Variants in ADGRG2 observed in about 807,000 individuals in gnomAD.
ADGRG2 encodes the protein G protein-coupled receptor 64.
ADGRG2 carries 26 observed loss-of-function variants against 74.1 expected under a neutral mutation model. The ratio of observed to expected loss-of-function variants is 0.35; its 90% CI spans 0.26 to 0.49. The LOEUF is 0.49. Ranked by LOEUF, ADGRG2 falls within the 20% of genes least tolerant of loss-of-function variation. ADGRG2 has a pLI of 0.99. For synonymous variants in ADGRG2, 296 were observed against 295.2 expected (o/e 1.00, Z -0.03); for missense variants, 619 against 763.1 (o/e 0.81, Z 2.22).
chrX:19,010,409 C>A (rs761040896), intron 17 of ADGRG2, among the ~76,000 whole-genome samples: 1 of 111,966 alleles, frequency 8.9e-6, no homozygotes, highest in Non-Finnish European at 1.9e-5. Flanking sequence ...GCATGAGCCA[C>A]AATGTCTGGC....
At chrX:19,102,926 G>C (rs913047405) in intron 1 of ADGRG2, among the ~76,000 whole-genome samples, 1 of 111,538 alleles carries the variant, frequency 9.0e-6, no homozygotes, top group African/African-American at 3.3e-5. Context: ...ATGGTATTTT[G>C]TTCTGGCAGC....
At chrX:18,995,156 G>A in intron 27 of ADGRG2, 108 bp from the exon 28 acceptor site, 1 of 510,995 alleles carries the variant, frequency 2.0e-6, no homozygotes, top group Non-Finnish European at 3.1e-6. Context: ...CTCACTTCAG[G>A]ATCTTATGGA....
chrX:19,016,420 T>C (rs895307912), intron 15 of ADGRG2, among the ~76,000 whole-genome samples: 47 of 111,220 alleles, frequency 4.2e-4, no homozygotes, highest in African/African-American at 1.2e-3. Flanking sequence ...GGCTGCACAT[T>C]AGAACCACCC....
intron 3 of ADGRG2, among the ~76,000 whole-genome samples, chrX:19,047,969 C>T (rs918046942): frequency 3.6e-5 from 4 of 111,450 alleles, no homozygotes; most frequent in African/African-American, 1.3e-4. Context: ...AAAAAAACTT[C>T]GGCTCTTAGC....
At chrX:19,048,286 C>T (rs1358180505) in intron 3 of ADGRG2, among the ~76,000 whole-genome samples, 2 of 112,199 alleles carry the variant, frequency 1.8e-5, no homozygotes, top group African/African-American at 6.5e-5. Flanking sequence ...AGATTAGAGC[C>T]CCCAAAGGGG....
At chrX:19,092,464 G>A in intron 1 of ADGRG2, among the ~76,000 whole-genome samples, 1 of 110,284 alleles carries the variant, frequency 9.1e-6, no homozygotes, top group Non-Finnish European at 1.9e-5. Flanking sequence ...TTGGAGTCAG[G>A]TGTCTGGAGA....
At chrX:19,043,973 G>A (rs780178261) in intron 3 of ADGRG2, among the ~76,000 whole-genome samples, 7 of 111,352 alleles carry the variant, frequency 6.3e-5, no homozygotes, top group Non-Finnish European at 1.3e-4. Flanking sequence ...AAACATTTAA[G>A]TTGAAAACTT....
chrX:19,055,254 GTGTGTGTGTGTGTGTGTA>G (rs1343649995), intron 3 of ADGRG2, among the ~76,000 whole-genome samples: 15 of 111,051 alleles, frequency 1.4e-4, no homozygotes, highest in Middle Eastern at 4.6e-3. Context: ...GTGTGTGTGT[GTGTGTGTGTGTGTGTGTA>G]TGTGTGTGTG....
chrX:19,035,843 G>A, intron 7 of ADGRG2, 99 bp downstream of exon 7: 1 of 436,393 alleles, frequency 2.3e-6, no homozygotes, highest in Non-Finnish European at 4.0e-6. Flanking sequence ...AGGGCAAGGA[G>A]GCAAAAGAAA....
At chrX:19,019,496 T>C (rs1417868572) in intron 15 of ADGRG2, 103 bp downstream of exon 15, 7 of 493,996 alleles carry the variant, frequency 1.4e-5, no homozygotes, top group East Asian at 3.4e-5. Context: ...TTCCCTAAAA[T>C]TGAAAGCCTT....
At chrX:19,072,109 T>C (rs1442651082) in intron 2 of ADGRG2, among the ~76,000 whole-genome samples, 2 of 111,231 alleles carry the variant, frequency 1.8e-5, no homozygotes, top group Non-Finnish European at 3.8e-5. Flanking sequence ...CCCAGGATGG[T>C]TTTGAATGTG....
intron 3 of ADGRG2, among the ~76,000 whole-genome samples, chrX:19,066,808 C>G (rs2061576331): frequency 9.0e-6 from 1 of 110,867 alleles, no homozygotes; most frequent in Non-Finnish European, 1.9e-5. Context: ...AAATTGCAGG[C>G]CCAGCATTGC....
intron 15 of ADGRG2, among the ~76,000 whole-genome samples, chrX:19,015,705 C>T (rs1022252167): frequency 9.0e-6 from 1 of 111,516 alleles, no homozygotes; most frequent in Admixed American, 9.5e-5. Flanking sequence ...GGTGAAAGAG[C>T]GAAACTCTGT....
intron 1 of ADGRG2, among the ~76,000 whole-genome samples, chrX:19,091,680 G>C (rs2062019583): frequency 8.9e-6 from 1 of 112,127 alleles, no homozygotes; most frequent in Non-Finnish European, 1.9e-5. Context: ...TTTGCAGGCT[G>C]CAGGATTTCT....
chrX:19,033,960 G>T, intron 7 of ADGRG2: 1 of 166,205 alleles, frequency 6.0e-6, no homozygotes, highest in Non-Finnish European at 1.1e-5. Flanking sequence ...CAAATGATGT[G>T]GACTTACACT....
intron 1 of ADGRG2, among the ~76,000 whole-genome samples, chrX:19,086,108 G>A (rs2061931589): frequency 8.9e-6 from 1 of 111,842 alleles, no homozygotes; most frequent in Non-Finnish European, 1.9e-5. Context: ...TCAGTCCACA[G>A]ATCCCTCCTT....
At chrX:19,117,383 C>T (rs1013586861) in intron 1 of ADGRG2, among the ~76,000 whole-genome samples, 1 of 110,544 alleles carries the variant, frequency 9.0e-6, no homozygotes, top group African/African-American at 3.3e-5. Context: ...AAAGTTTGAA[C>T]ACTAGAAAAA....
chrX:19,005,135 T>C (rs770238160), intron 22 of ADGRG2, among the ~76,000 whole-genome samples: 81 of 112,091 alleles, frequency 7.2e-4, no homozygotes, highest in Non-Finnish European at 1.3e-3. Context: ...AAAGCCCACA[T>C]ACTTGATCAC....
chrX:19,060,836 C>T (rs777860377), intron 3 of ADGRG2, among the ~76,000 whole-genome samples: 9 of 111,543 alleles, frequency 8.1e-5, no homozygotes, highest in Non-Finnish European at 1.7e-4. Flanking sequence ...GTGTAAGCCA[C>T]CACACCCGGC....
Sources: allele counts gnomAD v4.1 joint callset (sites outside exome capture counted in the v4.1 genomes callset), GRCh38; gene constraint gnomAD v4.1.1; transcripts MANE v1.5; gene names NCBI Gene and HGNC (gene_info 2026-07-23, HGNC 2026-07-21).